RTTN: variants seen among roughly 807,000 people sequenced by gnomAD.
RTTN encodes the protein rotatin.
Under a neutral mutation model 269.2 loss-of-function variants are expected in RTTN, and 182 were observed. That is an observed-to-expected ratio of 0.68 (90% confidence interval 0.60 to 0.76). RTTN has a LOEUF of 0.76. Ranked by LOEUF, RTTN falls within the 30% of genes least tolerant of loss-of-function variation. RTTN has a pLI of 0.00. For missense variants in RTTN, 2,545 were observed against 2,608.6 expected (o/e 0.98, Z 0.53); for synonymous variants, 1,006 against 963.5 (o/e 1.04, Z -0.82).
intron 14 of RTTN, among the ~76,000 whole-genome samples, chr18:70,151,483 C>T (rs2060536850): frequency 6.6e-6 from 1 of 151,984 alleles, no homozygotes. Context: ...TAATGAGTTA[C>T]ATGAATACTA....
chr18:70,066,171 T>C (rs2058128538), intron 34 of RTTN, among the ~76,000 whole-genome samples: 1 of 152,164 alleles, frequency 6.6e-6, no homozygotes, highest in South Asian at 2.1e-4. Flanking sequence ...TTCAGGCCCA[T>C]TTAGGAGTTT....
At chr18:70,205,513 G>A in intron 1 of RTTN, 115 bp downstream of exon 1, 1 of 1,427,120 alleles carries the variant, frequency 7.0e-7, no homozygotes. Context: ...GACAAAGCGG[G>A]GGTGAAAGAG....
chr18:70,071,518 G>A (rs574098847), intron 34 of RTTN, among the ~76,000 whole-genome samples: 35 of 152,176 alleles, frequency 2.3e-4, no homozygotes, highest in African/African-American at 7.0e-4. Flanking sequence ...GGATATAAAC[G>A]TGATTTCGAG....
At chr18:70,076,690 A>G (rs1468451702) in intron 32 of RTTN, among the ~76,000 whole-genome samples, 1 of 152,024 alleles carries the variant, frequency 6.6e-6, no homozygotes, top group Non-Finnish European at 1.5e-5. Flanking sequence ...AGCAATTTAT[A>G]TAAGAAATAA....
intron 35 of RTTN, among the ~76,000 whole-genome samples, chr18:70,061,846 A>G (rs2057996539): frequency 6.6e-6 from 1 of 152,174 alleles, no homozygotes; most frequent in Admixed American, 6.5e-5. Context: ...AAAAAACAAA[A>G]TAATTGATTC....
Position 70,122,108 on chromosome 18 carries a change from T to A in RTTN, c.3384-408A>T, listed in dbSNP as rs9964998. Among the ~76,000 whole-genome samples, 1,401 of 151,208 alleles carry A rather than the reference T, an allele frequency of 9.3e-3. 22 individuals carry two copies. The highest frequency in any genetic ancestry group is 0.031 in the African/African-American group (1,262 of 41,154). ...CCTAATTCTGACCAACTCGAAAAAATAAGGTAATAAAGTGAGGGGGAAAAA... is the reference window on the plus strand; with the variant it reads ...CCTAATTCTGACCAACTCGAAAAAAAAAGGTAATAAAGTGAGGGGGAAAAA... On this transcript the variant is annotated intron_variant, in intron 25 of 48. Transcript: ENST00000640769.
intron 10 of RTTN, among the ~76,000 whole-genome samples, chr18:70,185,832 T>C (rs113209592): frequency 0.013 from 1,943 of 152,008 alleles, 22 homozygotes; most frequent in South Asian, 0.038. Context: ...GGCCACCAAA[T>C]AGACGATCAA....
At chr18:70,120,193 C>T (rs537858016) in intron 26 of RTTN, among the ~76,000 whole-genome samples, 13 of 141,736 alleles carry the variant, frequency 9.2e-5, no homozygotes, top group African/African-American at 3.2e-4. Context: ...AGCCCCCTCA[C>T]CACATATACC....
chr18:70,173,903 G>A (rs1296415811), intron 11 of RTTN, among the ~76,000 whole-genome samples: 1 of 152,188 alleles, frequency 6.6e-6, no homozygotes, highest in African/African-American at 2.4e-5. Flanking sequence ...AGAAGGAGTT[G>A]AGAGAGTACA....
intron 26 of RTTN, 111 bp downstream of exon 26, chr18:70,121,440 CTACTT>C (rs2059735161): frequency 1.2e-6 from 1 of 829,560 alleles, no homozygotes; most frequent in Admixed American, 2.9e-5. Flanking sequence ...TACATGAAGA[CTACTT>C]TACCAAGCAT....
intron 1 of RTTN, 38 bp downstream of exon 1, chr18:70,205,590 C>CG (rs756077685): frequency 1.1e-5 from 18 of 1,613,340 alleles, no homozygotes; most frequent in East Asian, 6.7e-5. Flanking sequence ...GGCCAGAGCG[C>CG]GGGGGGTGCC....
At chr18:70,016,563 A>C (rs554348675) in intron 46 of RTTN, among the ~76,000 whole-genome samples, 1 of 152,118 alleles carries the variant, frequency 6.6e-6, no homozygotes, top group South Asian at 2.1e-4. Context: ...TATAAAACTC[A>C]CTCCCCACGA....
chr18:70,051,416 G>A lies in RTTN; in HGVS notation c.5318C>T (p.Ala1773Val), dbSNP rs200685633. Residue 1773 changes from alanine (A) to valine (V), a missense_variant, in exon 39 of 49, where the codon GCG becomes GTG. Coordinates refer to ENST00000640769, the MANE Select transcript of RTTN (RefSeq NM_173630.4). ...TTATGCAAGTATCTTCTTACCAATCGCCGCTGTCCAGTGCTTGGCCAGGGC... is the reference window on the plus strand; with the variant it reads ...TTATGCAAGTATCTTCTTACCAATCACCGCTGTCCAGTGCTTGGCCAGGGC... The part of the protein sequence containing the change: ...TVALAKHWTA[A>V]IDMFCTCAGL... 9.4e-5 allele frequency: 150 copies of A among 1,601,028 alleles called. 1 individual carries two copies. The African/African-American group carries it at 1.3e-3, about 14-fold the overall frequency.
intron 28 of RTTN, among the ~76,000 whole-genome samples, chr18:70,095,127 CT>C (rs138773918): frequency 6.9e-6 from 1 of 145,676 alleles, no homozygotes; most frequent in Non-Finnish European, 1.5e-5. Context: ...GCAACTCCTG[CT>C]TTTTTTTTTC....
intron 46 of RTTN, among the ~76,000 whole-genome samples, chr18:70,011,916 G>C (rs537701495): frequency 6.6e-6 from 1 of 151,716 alleles, no homozygotes; most frequent in African/African-American, 2.4e-5. Flanking sequence ...TCTGCTCCTG[G>C]TATTGGTTAG....
intron 34 of RTTN, among the ~76,000 whole-genome samples, chr18:70,066,905 G>C (rs532616107): frequency 1.3e-5 from 2 of 152,080 alleles, no homozygotes; most frequent in Non-Finnish European, 2.9e-5. Flanking sequence ...ACTAAAAATG[G>C]AATATACAGT....
At position 70,128,170 on chromosome 18, in the gene RTTN, T is replaced by C. The variant is rs1431430847; in HGVS notation, c.3143+188A>G. Reference sequence around the variant, plus strand: ...TGCTTTTTCATTTAAAGTTTTCCCATATGATAGATTGTTAAAAGTAATAAA... The same window carrying C: ...TGCTTTTTCATTTAAAGTTTTCCCACATGATAGATTGTTAAAAGTAATAAA... On this transcript the variant is annotated intron_variant, in intron 24 of 48. Transcript: ENST00000640769. The C allele has an allele frequency of 9.3e-6, 5 of 537,714 alleles. No individual in the cohort carries two copies. The South Asian group carries it at 1.1e-4, about 12-fold the overall frequency. The allele number at this position is 537,714 out of a possible 1,614,324, so 33.3% of individuals were successfully genotyped here. A position where few individuals can be genotyped will look rare whatever the true frequency, so the allele number is the denominator to read the frequency against.
chr18:70,086,968 A>T (rs1387444714), intron 31 of RTTN, among the ~76,000 whole-genome samples: 1 of 152,090 alleles, frequency 6.6e-6, no homozygotes, highest in Non-Finnish European at 1.5e-5. Context: ...ATTCAGCTTT[A>T]TTAAAAAATG....
intron 3 of RTTN, among the ~76,000 whole-genome samples, chr18:70,203,486 G>A (rs900126948): frequency 6.6e-6 from 1 of 152,206 alleles, no homozygotes. Flanking sequence ...GAGCCACCAT[G>A]CCCAGCCCGG....
Sources: allele counts gnomAD v4.1 joint callset (sites outside exome capture counted in the v4.1 genomes callset), GRCh38; gene constraint gnomAD v4.1.1; transcripts MANE v1.5; gene names NCBI Gene and HGNC (gene_info 2026-07-23, HGNC 2026-07-21).